EFHB: variants seen among roughly 807,000 people sequenced by gnomAD.
EFHB encodes the protein EF-hand domain family member B.
Under a neutral mutation model 87.2 loss-of-function variants are expected in EFHB, and 91 were observed. That is an observed-to-expected ratio of 1.04 (90% CI 0.88 to 1.24). The LOEUF is 1.24. EFHB is among the 50% of genes most tolerant of loss of function. The probability of loss-of-function intolerance (pLI) is 0.00; values close to 1 mark genes in which losing one functional copy is unlikely to be tolerated. For synonymous variants in EFHB, 325 were observed against 333.6 expected (o/e 0.97, Z 0.28); for missense variants, 1,084 against 998.8 (o/e 1.09, Z -1.15).
Position 19,884,411 on chromosome 3 carries a change from G to T in EFHB, c.2138C>A (p.Pro713His). The change falls in exon 11 of 13, where the codon CCT becomes CAT. Residue 713 changes from proline (P) to histidine (H), a missense_variant. Pro to His is a moderately conservative substitution (Grantham distance 77). Transcript: ENST00000295824. Reference protein sequence around the residue: ...SEINAIVGAIPSTCYPICGVP... With the variant: ...SEINAIVGAIHSTCYPICGVP... ...ACAAATAAGTGACATACAAGTAGAA[G>T]GAATGGCTCCTACAATTGCATTGAT... 1 of 1,613,008 alleles carries T rather than the reference G, an allele frequency of 6.2e-7. No homozygotes were observed. The highest frequency in any genetic ancestry group is 1.1e-5 in the South Asian group (1 of 90,832).
Position 19,933,245 on chromosome 3 carries a change from G to T in EFHB, c.774C>A (p.Thr258=). Reference sequence around the variant, plus strand: ...AAAAACTTACACTTGGCCAGCAAGGGGTCCGATCAAAAAACTTCCCAGAGT... The same window carrying T: ...AAAAACTTACACTTGGCCAGCAAGGTGTCCGATCAAAAAACTTCCCAGAGT... ...PIYSGKFFDR[T]PCWPSAGKVI... Residue 258 remains threonine, a synonymous_variant, in exon 1 of 13, where the codon ACC becomes ACA. Transcript: ENST00000295824. 1 of 1,612,924 alleles carries T rather than the reference G, an allele frequency of 6.2e-7. No homozygotes were observed. Among genetic ancestry groups the T allele is most frequent in the Non-Finnish European group, 8.5e-7 (1 of 1,179,112 alleles).
At chr3:19,901,578 G>T (rs1694672660) in intron 6 of EFHB, among the ~76,000 whole-genome samples, 1 of 152,130 alleles carries the variant, frequency 6.6e-6, no homozygotes, top group Non-Finnish European at 1.5e-5. Flanking sequence ...TTGGCGGGGG[G>T]GAAGAATGTA....
chr3:19,889,470 G>GA (rs1694224934), intron 9 of EFHB, among the ~76,000 whole-genome samples: 1 of 152,182 alleles, frequency 6.6e-6, no homozygotes, highest in South Asian at 2.1e-4. Context: ...TCCCTGAGAG[G>GA]AAATAACTCC....
intron 1 of EFHB, 50 bp from the exon 2 acceptor site, chr3:19,920,617 T>C (rs778286190): frequency 2.8e-6 from 4 of 1,439,396 alleles, no homozygotes; most frequent in Non-Finnish European, 3.8e-6. Context: ...AAGAGGAGCA[T>C]TTTGAAGAAT....
intron 1 of EFHB, chr3:19,946,870 C>T (rs1434292721): frequency 2.6e-5 from 4 of 152,334 alleles, no homozygotes; most frequent in Non-Finnish European, 5.9e-5. Context: ...GCCCAGAGAC[C>T]CCCCAGCCTA....
chr3:19,901,187 C>T (rs997544338), intron 6 of EFHB, among the ~76,000 whole-genome samples: 10 of 152,040 alleles, frequency 6.6e-5, no homozygotes, highest in South Asian at 2.1e-4. Context: ...TAGGGAGCCA[C>T]ACTAGGAAAA....
chr3:19,923,807 T>C (rs772963159), intron 1 of EFHB, among the ~76,000 whole-genome samples: 2 of 152,232 alleles, frequency 1.3e-5, no homozygotes, highest in East Asian at 3.8e-4. Flanking sequence ...CTGAGAGATA[T>C]AAGATGTTGC....
upstream of EFHB, among the ~76,000 whole-genome samples, chr3:19,934,461 GTC>G (rs199631772): frequency 4.8e-5 from 6 of 124,662 alleles, no homozygotes; most frequent in African/African-American, 1.9e-4. Context: ...CTCTCTGTGT[GTC>G]TCTCTCTCTT....
chr3:19,890,764 C>T (rs759950040), intron 9 of EFHB, among the ~76,000 whole-genome samples: 49 of 152,094 alleles, frequency 3.2e-4, no homozygotes, highest in Admixed American at 3.9e-4. Context: ...GGAGGTGCAC[C>T]GTGAAGTTTA....
intron 9 of EFHB, among the ~76,000 whole-genome samples, chr3:19,891,099 A>G (rs1255128028): frequency 6.6e-6 from 1 of 152,136 alleles, no homozygotes. Flanking sequence ...CAGGCTATCA[A>G]TCAGTTGTGC....
At chr3:19,946,896 G>C (rs1006189945) in intron 1 of EFHB, 4 of 152,540 alleles carry the variant, frequency 2.6e-5, no homozygotes, top group African/African-American at 9.6e-5. Flanking sequence ...CAATGGCGCT[G>C]GAGAGGGCGT....
chr3:19,905,509 T>C (rs747572256), intron 6 of EFHB, 111 bp downstream of exon 6: 5 of 1,223,582 alleles, frequency 4.1e-6, no homozygotes, highest in African/African-American at 1.5e-5. Flanking sequence ...AGTCATCTTG[T>C]TTGAACCATA....
chr3:19,941,096 T>G, intron 1 of EFHB: 1 of 377,786 alleles, frequency 2.6e-6, no homozygotes, highest in Non-Finnish European at 4.9e-6. Flanking sequence ...GGGCTGATGC[T>G]CTTATTCAGT....
intron 4 of EFHB, 27 bp downstream of exon 4, chr3:19,918,205 C>T: frequency 6.5e-7 from 1 of 1,540,534 alleles, no homozygotes; most frequent in Non-Finnish European, 8.7e-7. Flanking sequence ...CCAGCCCCTT[C>T]CCACCCCTTA....
intron 5 of EFHB, among the ~76,000 whole-genome samples, chr3:19,910,022 C>T (rs1575022372): frequency 6.6e-6 from 1 of 151,878 alleles, no homozygotes; most frequent in African/African-American, 2.4e-5. Flanking sequence ...AGACTTAGCA[C>T]ATTACCAGCT....
At chr3:19,913,148 C>T (rs1446248739) in intron 5 of EFHB, among the ~76,000 whole-genome samples, 1 of 152,074 alleles carries the variant, frequency 6.6e-6, no homozygotes, top group Non-Finnish European at 1.5e-5. Flanking sequence ...TAGTATGATA[C>T]TGAATGGGGA....
intron 1 of EFHB, among the ~76,000 whole-genome samples, chr3:19,928,474 C>A (rs1265082255): frequency 6.6e-6 from 1 of 152,170 alleles, no homozygotes; most frequent in African/African-American, 2.4e-5. Context: ...TTGTTTGAGG[C>A]GGAGTCTCGC....
intron 1 of EFHB, among the ~76,000 whole-genome samples, chr3:19,928,412 A>G (rs79954153): frequency 0.016 from 2,502 of 152,330 alleles, 61 homozygotes; most frequent in African/African-American, 0.055. Flanking sequence ...GTGAAACATT[A>G]TAATCATTCC....
At chr3:19,911,567 AAACAAAACAAC>A (rs1389427691) in intron 5 of EFHB, among the ~76,000 whole-genome samples, 1 of 151,894 alleles carries the variant, frequency 6.6e-6, no homozygotes, top group African/African-American at 2.4e-5. Context: ...CAAAAAACAA[AAACAAAACAAC>A]AACAACAAAC....
Sources: gnomAD v4.1 joint callset for allele counts (sites outside exome capture counted in the v4.1 genomes callset) on GRCh38, gnomAD v4.1.1 for gene constraint, MANE v1.5 for transcripts, NCBI Gene and HGNC (gene_info 2026-07-23, HGNC 2026-07-21) for gene names.